Variants in AHCY observed in about 807,000 individuals in gnomAD.
The protein encoded by AHCY is adenosylhomocysteinase.
A neutral mutation model predicts 45.4 loss-of-function variants in AHCY; 24 were observed. The ratio of observed to expected loss-of-function variants is 0.53; its 90% CI spans 0.38 to 0.74. The LOEUF is 0.74. Among genes scored for constraint, AHCY ranks in the 30% least tolerant of loss-of-function variants. The probability of loss-of-function intolerance (pLI) is 0.00; values close to 1 mark genes in which losing one functional copy is unlikely to be tolerated. For synonymous variants in AHCY, 245 were observed against 235.1 expected (o/e 1.04, Z -0.39); for missense variants, 449 against 594.1 (o/e 0.76, Z 2.54).
chr20:34,235,809 G>T, the AHCY span, among the ~76,000 whole-genome samples: 1 of 55,238 alleles, frequency 1.8e-5, no homozygotes, highest in South Asian at 6.3e-4. Flanking sequence ...AAGAAAGAAA[G>T]AAAGAAAGAA....
chr20:34,268,848 G>C, the AHCY span: 6 of 992,196 alleles, frequency 6.0e-6, no homozygotes, highest in East Asian at 8.2e-5. Flanking sequence ...AATCTGACTG[G>C]GGGAGCGGGC....
At chr20:34,303,585 G>A (rs1167847987), upstream of AHCY, among the ~76,000 whole-genome samples, 2 of 152,266 alleles carry the variant, frequency 1.3e-5, no homozygotes, top group Admixed American at 1.3e-4. Flanking sequence ...GGTTCAGCCA[G>A]TTGATTCAGT....
In AHCY at chr20:34,296,411, T is replaced by C. The variant is rs538216967; in HGVS notation, c.29-826A>G. On this transcript the variant is annotated intron_variant, in intron 1 of 9. Coordinates refer to ENST00000217426, the MANE Select transcript of AHCY (RefSeq NM_000687.4). ...CTATATCCTCTGGCTTTGAGGTTAT[T>C]AGTAATAAAAGGTAATATTTCAGGT... is the stretch of plus-strand genomic sequence containing the variant. 2.6e-4 allele frequency among the ~76,000 whole-genome samples: 40 copies of C among 152,304 alleles called. 1 individual carries two copies. In the South Asian group the frequency reaches 2.7e-3, roughly 10 times the overall value.
upstream of AHCY, among the ~76,000 whole-genome samples, chr20:34,306,157 C>T (rs946159747): frequency 6.6e-6 from 1 of 151,722 alleles, no homozygotes; most frequent in Non-Finnish European, 1.5e-5. Context: ...GACTCTCATC[C>T]TCACTGTATA....
chr20:34,250,609 T>G, the AHCY span, among the ~76,000 whole-genome samples: 2 of 152,014 alleles, frequency 1.3e-5, no homozygotes, highest in African/African-American at 4.8e-5. Context: ...ACCAGCCTGG[T>G]CAACATGGTG....
chr20:34,275,131 C>CTT, the AHCY span, among the ~76,000 whole-genome samples: 4 of 99,448 alleles, frequency 4.0e-5, no homozygotes, highest in South Asian at 3.7e-4. Context: ...TCTCTATTTT[C>CTT]TTTTTTTTTT....
At chr20:34,275,126 ATTTTC>A in the AHCY span, among the ~76,000 whole-genome samples, 1 of 116,462 alleles carries the variant, frequency 8.6e-6, no homozygotes, top group Non-Finnish European at 1.8e-5. Flanking sequence ...CAAGTTCTCT[ATTTTC>A]TTTTTTTTTT....
At chr20:34,259,639 G>A in the AHCY span, among the ~76,000 whole-genome samples, 42,878 of 151,768 alleles carry the variant, frequency 0.28, 10,807 homozygotes, top group African/African-American at 0.68. Flanking sequence ...CTAGCTACTG[G>A]GGCAGGAGAC....
the AHCY span, among the ~76,000 whole-genome samples, chr20:34,243,539 T>C: frequency 2.0e-5 from 3 of 152,118 alleles, no homozygotes; most frequent in East Asian, 3.9e-4. Flanking sequence ...TAGCTATGGA[T>C]TGAAACTGCA....
chr20:34,297,991 T>C (rs2036627097), intron 1 of AHCY, among the ~76,000 whole-genome samples: 1 of 151,938 alleles, frequency 6.6e-6, no homozygotes, highest in African/African-American at 2.4e-5. Context: ...ATACAAAAAT[T>C]AGCCGGGTGT....
At chr20:34,298,575 G>A (rs1395323278) in intron 1 of AHCY, among the ~76,000 whole-genome samples, 14 of 138,666 alleles carry the variant, frequency 1.0e-4, no homozygotes, top group Admixed American at 5.0e-4. Flanking sequence ...AACAACACCC[G>A]CTACTTAGCA....
At chr20:34,303,005 G>A (rs889693006) in intron 1 of AHCY, 26 of 985,352 alleles carry the variant, frequency 2.6e-5, no homozygotes, top group Non-Finnish European at 3.1e-5. Context: ...CGCAGACCGC[G>A]CGGCGGCCCC....
the AHCY span, among the ~76,000 whole-genome samples, chr20:34,240,027 C>A: frequency 6.6e-6 from 1 of 152,178 alleles, no homozygotes; most frequent in South Asian, 2.1e-4. Flanking sequence ...GGCATACACA[C>A]TAACCAGGTG....
Position 34,292,611 on chromosome 20 carries a change from C to T in AHCY, c.296-104G>A, listed in dbSNP as rs2036436557. The stretch of plus-strand genomic sequence containing the variant: ...ACTACCTCCTTCCCAACTCCCATCC[C>T]CAGCCACCTCCGGCCCCTCTGAAAA... On this transcript the variant is annotated intron_variant, in intron 3 of 9. Transcript: ENST00000217426. 8.6e-6 allele frequency: 13 copies of T among 1,516,684 alleles called. No homozygotes were observed. The South Asian group carries it at 1.5e-4, about 17-fold the overall frequency. The allele number at this position is 1,516,684 out of a possible 1,614,324, so 94.0% of individuals were successfully genotyped here.
At chr20:34,279,622 T>G (rs1369318541), downstream of AHCY, among the ~76,000 whole-genome samples, 2 of 152,120 alleles carry the variant, frequency 1.3e-5, no homozygotes, top group South Asian at 4.1e-4. Context: ...ACGTAACTTA[T>G]GCAACTTAAA....
chr20:34,278,548 C>T (rs193083031), downstream of AHCY, among the ~76,000 whole-genome samples: 72 of 152,246 alleles, frequency 4.7e-4, 2 homozygotes, highest in Admixed American at 4.5e-3. Context: ...CTCTGGGTAG[C>T]CCTCTGGTTT....
chr20:34,285,353 A>G, intron 9 of AHCY, 87 bp downstream of exon 9: 2 of 1,477,790 alleles, frequency 1.4e-6, no homozygotes, highest in Admixed American at 3.4e-5. Context: ...CAGACAGGCA[A>G]GCACTTTATA....
intron 8 of AHCY, 145 bp from the exon 9 acceptor site, chr20:34,285,779 C>CA (rs2036161274): frequency 1.2e-6 from 1 of 858,552 alleles, no homozygotes; most frequent in Non-Finnish European, 1.9e-6. Context: ...TGGCTTAGCA[C>CA]AAAAATAACA....
chr20:34,244,918 A>AT, the AHCY span, among the ~76,000 whole-genome samples: 1 of 152,242 alleles, frequency 6.6e-6, no homozygotes, highest in Non-Finnish European at 1.5e-5. Context: ...AAGGAGACGT[A>AT]TTACTGGTTA....
Sources: gnomAD v4.1 joint callset for allele counts (sites outside exome capture counted in the v4.1 genomes callset) on GRCh38, gnomAD v4.1.1 for gene constraint, MANE v1.5 for transcripts, NCBI Gene and HGNC (gene_info 2026-07-23, HGNC 2026-07-21) for gene names.